Variants in EXOC4 observed in about 807,000 individuals in gnomAD.
EXOC4 encodes the protein SEC8-like 1.
In EXOC4, 71 loss-of-function variants were observed where a neutral mutation model predicts 107.2. The ratio of observed to expected loss-of-function variants is 0.66; its 90% CI spans 0.55 to 0.81. The LOEUF (loss-of-function observed/expected upper bound fraction) is 0.81. Ranked by LOEUF, EXOC4 falls within the 30% of genes least tolerant of loss-of-function variation. The pLI is 0.00. For synonymous variants in EXOC4, 456 were observed against 441.2 expected (o/e 1.03, Z -0.42); for missense variants, 1,108 against 1,189.6 (o/e 0.93, Z 1.01).
the EXOC4 span, among the ~76,000 whole-genome samples, chr7:134,073,831 C>T: frequency 1.3e-5 from 2 of 152,146 alleles, no homozygotes; most frequent in African/African-American, 2.4e-5. Context: ...GCTGCTGAAG[C>T]AGGTCAGGAG....
intron 11 of EXOC4, among the ~76,000 whole-genome samples, chr7:133,838,205 T>G (rs931765197): frequency 1.3e-5 from 2 of 152,200 alleles, no homozygotes; most frequent in African/African-American, 4.8e-5. Context: ...ATTTACTCGT[T>G]GTTTTTGTAC....
rs189903057 is a variant in EXOC4 at position 133,582,918 on chromosome 7, T to G, written c.1418-47127T>G. Among the ~76,000 whole-genome samples, 186 of 152,322 alleles carry G rather than the reference T, an allele frequency of 1.2e-3. 3 individuals carry two copies. The highest frequency in any genetic ancestry group is 4.4e-3 in the African/African-American group (181 of 41,588). ...CATTCTTTGCAGATGAATTGCATCC[T>G]TTGGGAAATAACAGTATATGTAGAA... is the stretch of plus-strand genomic sequence containing the variant. On this transcript the variant is annotated intron_variant, in intron 9 of 17. Coordinates refer to ENST00000253861, the MANE Select transcript of EXOC4 (RefSeq NM_021807.4).
intron 6 of EXOC4, among the ~76,000 whole-genome samples, chr7:133,361,930 A>G (rs1346430040): frequency 2.0e-5 from 3 of 152,204 alleles, no homozygotes. Flanking sequence ...TGAAATTTTC[A>G]ACAGTACAAT....
At chr7:134,015,210 C>A (rs1435605913) in intron 17 of EXOC4, among the ~76,000 whole-genome samples, 1 of 152,178 alleles carries the variant, frequency 6.6e-6, no homozygotes, top group South Asian at 2.1e-4. Context: ...CTTCCTCCCC[C>A]ACCAGCACTC....
chr7:133,399,867 AGGG>A (rs1797051212), intron 7 of EXOC4, among the ~76,000 whole-genome samples: 1 of 152,358 alleles, frequency 6.6e-6, no homozygotes, highest in Non-Finnish European at 1.5e-5. Context: ...GTTTTGATGC[AGGG>A]AGAGTTCCAG....
intron 5 of EXOC4, among the ~76,000 whole-genome samples, chr7:133,336,710 TTTTATTTTATTTTA>T (rs1394759356): frequency 0.012 from 668 of 55,482 alleles, 6 homozygotes; most frequent in African/African-American, 0.04. Flanking sequence ...TTTTATTTTA[TTTTATTTTATTTTA>T]TTTATTTTAT....
intron 10 of EXOC4, among the ~76,000 whole-genome samples, chr7:133,635,565 C>T (rs1244573723): frequency 6.6e-6 from 1 of 152,010 alleles, no homozygotes; most frequent in Non-Finnish European, 1.5e-5. Context: ...TCTTCCTGGA[C>T]CAATAAGGTA....
At chr7:133,767,531 A>G (rs529294522) in intron 10 of EXOC4, among the ~76,000 whole-genome samples, 4 of 152,030 alleles carry the variant, frequency 2.6e-5, no homozygotes, top group Admixed American at 6.6e-5. Flanking sequence ...TCATATTCTC[A>G]CACTCTTATT....
chr7:133,312,039 G>C (rs1794884680), intron 4 of EXOC4, among the ~76,000 whole-genome samples: 1 of 152,148 alleles, frequency 6.6e-6, no homozygotes, highest in Admixed American at 6.5e-5. Flanking sequence ...TCTTTGTCCA[G>C]AGAATTTTGT....
chr7:133,520,857 T>C, intron 9 of EXOC4, among the ~76,000 whole-genome samples: 1 of 152,132 alleles, frequency 6.6e-6, no homozygotes, highest in East Asian at 1.9e-4. Context: ...AGTTTTTGAG[T>C]TTCATTTATG....
chr7:134,000,417 G>T (rs1794505521), intron 15 of EXOC4, among the ~76,000 whole-genome samples: 1 of 152,152 alleles, frequency 6.6e-6, no homozygotes. Context: ...TCCAGGTGTG[G>T]CTTGTTCATT....
At chr7:133,610,919 C>G (rs540612920) in intron 9 of EXOC4, among the ~76,000 whole-genome samples, 3 of 151,358 alleles carry the variant, frequency 2.0e-5, no homozygotes, top group Non-Finnish European at 4.4e-5. Context: ...TCAAGTAGTC[C>G]TCCCACCTCA....
At chr7:133,329,787 T>G (rs977735554) in intron 5 of EXOC4, among the ~76,000 whole-genome samples, 1 of 152,182 alleles carries the variant, frequency 6.6e-6, no homozygotes, top group African/African-American at 2.4e-5. Context: ...GCCTGTTCCT[T>G]CCTCTGGAAG....
At chr7:133,950,134 G>A (rs1336605811) in intron 14 of EXOC4, among the ~76,000 whole-genome samples, 2 of 152,132 alleles carry the variant, frequency 1.3e-5, no homozygotes, top group East Asian at 3.9e-4. Context: ...AGAAGACAAG[G>A]CAAGGAGAGT....
At chr7:133,649,227 C>G (rs1003974885) in intron 10 of EXOC4, among the ~76,000 whole-genome samples, 3 of 152,056 alleles carry the variant, frequency 2.0e-5, no homozygotes, top group Non-Finnish European at 4.4e-5. Flanking sequence ...CTATGGAATT[C>G]CTCTTCTCCA....
At chr7:133,484,294 G>A (rs1035379711) in intron 9 of EXOC4, 21 of 892,800 alleles carry the variant, frequency 2.4e-5, no homozygotes, top group South Asian at 8.8e-5. Flanking sequence ...GTTGGGCTGC[G>A]GAGATGTGGG....
At chr7:133,769,332 G>A (rs572008403) in intron 10 of EXOC4, among the ~76,000 whole-genome samples, 36 of 151,788 alleles carry the variant, frequency 2.4e-4, no homozygotes, top group Non-Finnish European at 4.3e-4. Context: ...GAAGGCAAAT[G>A]TTGGTGTTTC....
At chr7:134,000,272 T>C (rs932348525) in intron 15 of EXOC4, among the ~76,000 whole-genome samples, 1 of 152,176 alleles carries the variant, frequency 6.6e-6, no homozygotes, top group African/African-American at 2.4e-5. Flanking sequence ...TTAACAATTT[T>C]TTTTCAGTTT....
At chr7:133,572,463 T>C (rs1366930041) in intron 9 of EXOC4, among the ~76,000 whole-genome samples, 1 of 152,054 alleles carries the variant, frequency 6.6e-6, no homozygotes. Context: ...ATAAAAAAAA[T>C]AAATCAAGAA....
Sources: allele counts gnomAD v4.1 joint callset (sites outside exome capture counted in the v4.1 genomes callset), GRCh38; gene constraint gnomAD v4.1.1; transcripts MANE v1.5; gene names NCBI Gene and HGNC (gene_info 2026-07-23, HGNC 2026-07-21).